BIRC6: variants seen among roughly 807,000 people sequenced by gnomAD.
The protein encoded by BIRC6 is dual E2 ubiquitin-conjugating enzyme/E3 ubiquitin-protein ligase BIRC6.
BIRC6 carries 98 observed loss-of-function variants against 503.3 expected under a neutral mutation model. The ratio of observed to expected loss-of-function variants is 0.19; its 90% CI spans 0.17 to 0.23. The LOEUF is 0.23. BIRC6 is among the 10% of genes least tolerant of loss of function. BIRC6 has a pLI of 1.00. For synonymous variants in BIRC6, 2,240 were observed against 2,078.7 expected, an observed-to-expected ratio of 1.08 and a Z score of -2.11; for missense variants, 5,360 against 5,806.0, an observed-to-expected ratio of 0.92 and a Z score of 2.50.
chr2:32,531,648 G>A, intron 61 of BIRC6, 97 bp downstream of exon 61: 1 of 1,077,654 alleles, frequency 9.3e-7, no homozygotes, highest in Non-Finnish European at 1.3e-6. Flanking sequence ...TAACTTTGTA[G>A]AAATACCCTT....
Position 32,514,978 on chromosome 2 carries a change from T to C in BIRC6, c.10569-12T>C. 6.3e-7 allele frequency: 1 copy of C among 1,587,126 alleles called. No homozygotes were observed. Among genetic ancestry groups the C allele is most frequent in the Non-Finnish European group, 8.6e-7 (1 of 1,160,836 alleles). On this transcript the variant is annotated splice_polypyrimidine_tract_variant and intron_variant, in intron 54 of 73. Coordinates refer to ENST00000421745, the MANE Select transcript of BIRC6 (RefSeq NM_016252.4). The stretch of plus-strand genomic sequence containing the variant: ...TACTTGTATCATTAATATGATATCT[T>C]TTATTTTTTAGGTTACTTTTTAATT...
chr2:32,568,491 C>CAAAA (rs59954195), intron 65 of BIRC6, among the ~76,000 whole-genome samples: 1 of 108,892 alleles, frequency 9.2e-6, no homozygotes. Flanking sequence ...GACCTTGGCG[C>CAAAA]AAAAAAAAAA....
At chr2:32,466,812 G>T (rs999606294) in intron 26 of BIRC6, among the ~76,000 whole-genome samples, 1 of 151,868 alleles carries the variant, frequency 6.6e-6, no homozygotes, top group Non-Finnish European at 1.5e-5. Flanking sequence ...TTTTGGTTTT[G>T]GTTTTTGTTT....
At position 32,482,443 on chromosome 2, in the gene BIRC6, A is replaced by G. The variant is rs1558854470; in HGVS notation, c.7557A>G (p.Thr2519=). 3 of 1,613,742 alleles carry G rather than the reference A, an allele frequency of 1.9e-6. No homozygotes were observed. In the African/African-American group the frequency reaches 4.0e-5, roughly 22 times the overall value. ...AAKVFKPISS[T]WYDYWGADYG... ...ATTCTTTTAAGCCAATAAGCAGTAC[A>G]TGGTATGATTATTGGGGTGCTGATT... The change falls in exon 39 of 74, where the codon ACA becomes ACG. Residue 2519 remains threonine, a synonymous_variant. Coordinates refer to ENST00000421745, the MANE Select transcript of BIRC6 (RefSeq NM_016252.4).
chr2:32,383,798 C>CT (rs1314569798), intron 3 of BIRC6, among the ~76,000 whole-genome samples: 1 of 152,162 alleles, frequency 6.6e-6, no homozygotes, highest in Non-Finnish European at 1.5e-5. Context: ...TCCCAAAGTG[C>CT]TGGGATTACA....
chr2:32,384,902 C>T (rs559989432), intron 3 of BIRC6, among the ~76,000 whole-genome samples: 8 of 152,136 alleles, frequency 5.3e-5, no homozygotes, highest in East Asian at 1.9e-4. Flanking sequence ...ATATTTCATA[C>T]GTATTTTTAC....
intron 65 of BIRC6, among the ~76,000 whole-genome samples, chr2:32,551,612 A>G (rs2058430192): frequency 6.6e-6 from 1 of 152,178 alleles, no homozygotes; most frequent in South Asian, 2.1e-4. Flanking sequence ...TGAACAAATT[A>G]TCTAGCCAGA....
chr2:32,474,968 G>T (rs2049563070), intron 33 of BIRC6, among the ~76,000 whole-genome samples: 1 of 151,746 alleles, frequency 6.6e-6, no homozygotes, highest in Non-Finnish European at 1.5e-5. Context: ...GGCTCACTTT[G>T]GGAGGTTGAG....
chr2:32,462,024 T>G (rs767754135), intron 23 of BIRC6, among the ~76,000 whole-genome samples: 49 of 152,034 alleles, frequency 3.2e-4, no homozygotes, highest in Non-Finnish European at 6.2e-4. Context: ...TCTCTGAGCC[T>G]TCTTTACTTA....
At chr2:32,444,027 A>G (rs894095227) in intron 20 of BIRC6, among the ~76,000 whole-genome samples, 4 of 144,488 alleles carry the variant, frequency 2.8e-5, no homozygotes, top group Non-Finnish European at 6.0e-5. Context: ...AAAAGGGACC[A>G]GTGGTTTTTT....
At chr2:32,394,808 ACT>A (rs1317920998) in intron 5 of BIRC6, among the ~76,000 whole-genome samples, 3 of 151,730 alleles carry the variant, frequency 2.0e-5, no homozygotes, top group Admixed American at 1.3e-4. Context: ...CCAGTCTGAG[ACT>A]CTGTCTCTTT....
chr2:32,453,940 C>G lies in BIRC6; in HGVS notation c.4751C>G (p.Ala1584Gly). The change falls in exon 23 of 74, where the codon GCA (alanine) becomes GGA (glycine). Residue 1584 changes from alanine to glycine, a missense_variant and splice_region_variant. By Grantham distance (60) the Ala-to-Gly change is moderately conservative. This residue lies in a region of BIRC6 where 2,299 missense variants were observed against 2,267.2 expected (regional missense o/e 1.01). Transcript: ENST00000421745. ...GGAACCAGAATAGAAAGGGATGATG[C>G]AAGTACGTTTACTGGTATATACCTT... Reference protein sequence around the residue: ...SDGTRIERDDAMSSFGVTPAV... With the variant: ...SDGTRIERDDGMSSFGVTPAV... The G allele has an allele frequency of 1.2e-6, 2 of 1,612,020 alleles. No individual in the cohort carries two copies. Among genetic ancestry groups the G allele is most frequent in the Non-Finnish European group, 1.7e-6 (2 of 1,178,286 alleles).
At chr2:32,506,533 T>C (rs573340708) in intron 50 of BIRC6, among the ~76,000 whole-genome samples, 25 of 152,304 alleles carry the variant, frequency 1.6e-4, no homozygotes, top group African/African-American at 5.8e-4. Flanking sequence ...TGGAAAGAGA[T>C]TGCTTTTATT....
At chr2:32,391,935 G>A (rs1245447996) in intron 4 of BIRC6, 104 bp from the exon 5 acceptor site, 2 of 733,558 alleles carry the variant, frequency 2.7e-6, no homozygotes, top group Non-Finnish European at 4.3e-6. Flanking sequence ...ACCATTTGCA[G>A]TTTTTGCTGA....
At chr2:32,572,811 A>C (rs907461459) in intron 65 of BIRC6, among the ~76,000 whole-genome samples, 8 of 152,160 alleles carry the variant, frequency 5.3e-5, no homozygotes, top group Admixed American at 3.3e-4. Context: ...GTGTAAAATG[A>C]CCTTCTCTTC....
rs1003840848 is a variant in BIRC6, at chr2:32,468,730, C to T, written c.6074C>T (p.Thr2025Ile). The part of the protein sequence containing the change: ...IQTSSTEQLR[T>I]IIRYLLDTLL... Reference sequence around the variant, plus strand: ...ACATCTTCCACAGAGCAGTTACGTACTATCATCAGATATTTACTGGACACT... The same window carrying T: ...ACATCTTCCACAGAGCAGTTACGTATTATCATCAGATATTTACTGGACACT... The change falls in exon 29 of 74, where the codon ACT becomes ATT. Residue 2025 changes from threonine (T) to isoleucine (I), a missense_variant. Thr to Ile is a moderately conservative substitution (Grantham distance 89). Coordinates refer to ENST00000421745, the MANE Select transcript of BIRC6 (RefSeq NM_016252.4). The T allele has an allele frequency of 6.2e-7, 1 of 1,613,292 alleles. No individual in the cohort carries two copies. Among genetic ancestry groups the T allele is most frequent in the Middle Eastern group, 1.7e-4 (1 of 6,058 alleles).
In BIRC6 at chr2:32,429,334, T is replaced by C. The variant is rs569123213; in HGVS notation, c.3022+39T>C. 65 of 1,366,280 alleles carry C rather than the reference T, an allele frequency of 4.8e-5. No homozygotes were observed. The South Asian group carries it at 7.8e-4, about 16-fold the overall frequency. The allele number at this position is 1,366,280 out of a possible 1,614,324, so 84.6% of individuals were successfully genotyped here. A position where few individuals can be genotyped will look rare whatever the true frequency, so the allele number is the denominator to read the frequency against. On this transcript the variant is annotated intron_variant, in intron 11 of 73. Transcript: ENST00000421745. Reference sequence around the variant, plus strand: ...TTTTTAAATGATTTTAAAAAAAGAATAGGTAGTATTTATCATTTTTCTAGT... The same window carrying C: ...TTTTTAAATGATTTTAAAAAAAGAACAGGTAGTATTTATCATTTTTCTAGT...
intron 23 of BIRC6, among the ~76,000 whole-genome samples, chr2:32,458,003 C>A (rs575755551): frequency 1.3e-5 from 2 of 152,138 alleles, no homozygotes; most frequent in South Asian, 4.1e-4. Context: ...ATCAGTTTTG[C>A]AGTGTCATCT....
chr2:32,480,307 G>A (rs144671775), intron 37 of BIRC6, among the ~76,000 whole-genome samples: 2 of 152,012 alleles, frequency 1.3e-5, no homozygotes, highest in Non-Finnish European at 2.9e-5. Context: ...CTTCCCTTGC[G>A]CTCTCAAATA....
Sources: allele counts gnomAD v4.1 joint callset (sites outside exome capture counted in the v4.1 genomes callset), GRCh38; gene constraint gnomAD v4.1.1; regional missense constraint gnomAD v4.1.1; transcripts MANE v1.5; gene names NCBI Gene and HGNC (gene_info 2026-07-23, HGNC 2026-07-21).